CAPZA2: variants seen among roughly 807,000 people sequenced by gnomAD.
CAPZA2 encodes the protein capping actin protein of muscle Z-line subunit alpha 2.
A neutral mutation model predicts 44.0 loss-of-function variants in CAPZA2; 13 were observed. That is an observed-to-expected ratio of 0.30 (90% confidence interval 0.19 to 0.47). The LOEUF is 0.47. CAPZA2 is among the 20% of genes least tolerant of loss of function. The pLI is 1.00. For synonymous variants in CAPZA2, 94 were observed against 108.2 expected (o/e 0.87, Z 0.81); for missense variants, 244 against 338.6 (o/e 0.72, Z 2.19).
At chr7:116,875,014 A>G (rs1796604050) in intron 1 of CAPZA2, 1 of 152,348 alleles carries the variant, frequency 6.6e-6, no homozygotes, top group Non-Finnish European at 1.5e-5. Context: ...ACTCAAGCCC[A>G]GGAAGTGGAG....
chr7:116,867,743 C>G (rs1384923506), intron 1 of CAPZA2, among the ~76,000 whole-genome samples: 1 of 152,106 alleles, frequency 6.6e-6, no homozygotes, highest in East Asian at 1.9e-4. Flanking sequence ...ACCTGCGTCC[C>G]TAGCTAATTT....
At chr7:116,917,678 T>C (rs1221358007) in intron 9 of CAPZA2, 49 bp from the exon 10 acceptor site, 1 of 1,309,588 alleles carries the variant, frequency 7.6e-7, no homozygotes, top group African/African-American at 1.5e-5. Context: ...CTTTATAAAT[T>C]GTTCTGTTCT....
intron 2 of CAPZA2, 119 bp downstream of exon 2, chr7:116,888,309 C>A: frequency 1.6e-6 from 1 of 619,600 alleles, no homozygotes. Context: ...TTCTGAATTA[C>A]AATGACAATA....
intron 1 of CAPZA2, among the ~76,000 whole-genome samples, chr7:116,881,033 T>A (rs1030030860): frequency 1.1e-4 from 17 of 151,890 alleles, no homozygotes; most frequent in African/African-American, 4.1e-4. Flanking sequence ...AGTCAGTTGG[T>A]GAGGAGGATT....
At chr7:116,907,294 T>A (rs529714065) in intron 6 of CAPZA2, among the ~76,000 whole-genome samples, 1 of 152,204 alleles carries the variant, frequency 6.6e-6, no homozygotes, top group Admixed American at 6.5e-5. Flanking sequence ...CATATGTGAA[T>A]GTATGCCTTA....
At chr7:116,869,865 T>TTTTTG (rs1474042622) in intron 1 of CAPZA2, among the ~76,000 whole-genome samples, 6 of 150,958 alleles carry the variant, frequency 4.0e-5, no homozygotes, top group Admixed American at 1.3e-4. Flanking sequence ...ACACTTGTTT[T>TTTTTG]TTTTGTTTTG....
At chr7:116,867,817 C>G (rs1796500583) in intron 1 of CAPZA2, among the ~76,000 whole-genome samples, 1 of 152,136 alleles carries the variant, frequency 6.6e-6, no homozygotes, top group Non-Finnish European at 1.5e-5. Flanking sequence ...CTCCTGAGCT[C>G]AGGTGATCTG....
chr7:116,889,984 G>A (rs1359990278), intron 2 of CAPZA2, among the ~76,000 whole-genome samples: 1 of 152,146 alleles, frequency 6.6e-6, no homozygotes, highest in Admixed American at 6.5e-5. Flanking sequence ...GATTAAAGAA[G>A]ATAGTCTCTT....
At chr7:116,882,465 AATTATT>A (rs1015074981) in intron 1 of CAPZA2, among the ~76,000 whole-genome samples, 2 of 152,078 alleles carry the variant, frequency 1.3e-5, no homozygotes, top group Non-Finnish European at 2.9e-5. Context: ...TTGCTTGAAG[AATTATT>A]ATTATTATTT....
chr7:116,915,225 C>T (rs1791663705), intron 8 of CAPZA2, among the ~76,000 whole-genome samples: 1 of 151,944 alleles, frequency 6.6e-6, no homozygotes, highest in African/African-American at 2.4e-5. Flanking sequence ...ATTGCTTGAA[C>T]CTGGGAGGCG....
At chr7:116,914,118 C>G (rs1274954046) in intron 8 of CAPZA2, among the ~76,000 whole-genome samples, 1 of 150,866 alleles carries the variant, frequency 6.6e-6, no homozygotes, top group Non-Finnish European at 1.5e-5. Context: ...AGCTCCGCCT[C>G]CTGGGTTCAC....
chr7:116,908,105 A>AAG (rs1791541476), intron 6 of CAPZA2, among the ~76,000 whole-genome samples: 1 of 151,778 alleles, frequency 6.6e-6, no homozygotes, highest in Non-Finnish European at 1.5e-5. Context: ...GGAAAAAAAA[A>AAG]AAAAAATTAG....
chr7:116,913,154 TG>T (rs2115980098), intron 8 of CAPZA2, among the ~76,000 whole-genome samples: 1 of 152,362 alleles, frequency 6.6e-6, no homozygotes, highest in Non-Finnish European at 1.5e-5. Context: ...GAGTTGTACT[TG>T]TTCATATATT....
chr7:116,890,148 C>T (rs1382735285), intron 2 of CAPZA2, among the ~76,000 whole-genome samples: 2 of 151,992 alleles, frequency 1.3e-5, no homozygotes, highest in African/African-American at 4.8e-5. Flanking sequence ...GAGTTAAATG[C>T]CCTGCATATT....
chr7:116,878,988 T>C (rs1051373879), intron 1 of CAPZA2, among the ~76,000 whole-genome samples: 4 of 151,798 alleles, frequency 2.6e-5, no homozygotes, highest in African/African-American at 7.3e-5. Flanking sequence ...TAGCCGGGCA[T>C]GGTGGCACGT....
At chr7:116,887,395 G>A (rs1398873715) in intron 1 of CAPZA2, among the ~76,000 whole-genome samples, 1 of 152,070 alleles carries the variant, frequency 6.6e-6, no homozygotes, top group African/African-American at 2.4e-5. Context: ...AGGTGTGGTG[G>A]CACGTGCCTG....
chr7:116,890,043 G>A (rs1376337226), intron 2 of CAPZA2, among the ~76,000 whole-genome samples: 3 of 152,146 alleles, frequency 2.0e-5, no homozygotes, highest in Non-Finnish European at 4.4e-5. Context: ...ATAATGGTGA[G>A]ACTGCACTAA....
At chr7:116,881,633 G>A (rs1389893883) in intron 1 of CAPZA2, among the ~76,000 whole-genome samples, 2 of 151,354 alleles carry the variant, frequency 1.3e-5, no homozygotes, top group African/African-American at 4.9e-5. Context: ...CAGCTACTTG[G>A]GAGGCTGAGG....
chr7:116,893,201 G>T (rs535053168), intron 3 of CAPZA2, among the ~76,000 whole-genome samples, 156 bp downstream of exon 3: 3 of 152,222 alleles, frequency 2.0e-5, no homozygotes, highest in East Asian at 3.9e-4. Context: ...TGCGATCTCG[G>T]CTCACTGCAA....
Sources: allele counts gnomAD v4.1 joint callset (sites outside exome capture counted in the v4.1 genomes callset), GRCh38; gene constraint gnomAD v4.1.1; transcripts MANE v1.5; gene names NCBI Gene and HGNC (gene_info 2026-07-23, HGNC 2026-07-21).